ANKHD1: variants seen among roughly 807,000 people sequenced by gnomAD.
ANKHD1 encodes the protein ankyrin repeat and KH domain containing 1.
ANKHD1 carries 31 observed loss-of-function variants against 230.5 expected under a neutral mutation model. The ratio of observed to expected loss-of-function variants is 0.13; its 90% CI spans 0.10 to 0.18. ANKHD1 has a LOEUF of 0.18. Ranked by LOEUF, ANKHD1 falls within the 10% of genes least tolerant of loss-of-function variation. ANKHD1 has a pLI of 1.00. For synonymous variants in ANKHD1, 1,074 were observed against 1,117.6 expected (o/e 0.96, Z 0.78); for missense variants, 2,256 against 3,071.3 (o/e 0.73, Z 6.27).
intron 9 of ANKHD1, among the ~76,000 whole-genome samples, chr5:140,462,824 A>G (rs1775810293): frequency 6.6e-6 from 1 of 151,554 alleles, no homozygotes; most frequent in Non-Finnish European, 1.5e-5. Flanking sequence ...GCATCCTTCA[A>G]AGGTGATCAG....
At chr5:140,457,056 C>T (rs1320076854) in intron 7 of ANKHD1, among the ~76,000 whole-genome samples, 2 of 152,166 alleles carry the variant, frequency 1.3e-5, no homozygotes, top group African/African-American at 2.4e-5. Context: ...TATGAACAGA[C>T]ACTTCTCAAA....
chr5:140,526,805 T>G (rs1340407559), intron 26 of ANKHD1, 123 bp from the exon 27 acceptor site: 2 of 1,328,238 alleles, frequency 1.5e-6, no homozygotes, highest in Admixed American at 6.4e-5. Context: ...GACTCATTGA[T>G]TATTTGATGT....
intron 21 of ANKHD1, 39 bp downstream of exon 21, chr5:140,509,851 C>A: frequency 6.3e-7 from 1 of 1,579,418 alleles, no homozygotes; most frequent in South Asian, 1.2e-5. Context: ...TTCTCATGGT[C>A]ATTTTCACTT....
intron 10 of ANKHD1, chr5:140,472,146 A>T: frequency 1.0e-6 from 1 of 996,128 alleles, no homozygotes; most frequent in African/African-American, 1.6e-5. Flanking sequence ...AACAAAGCCC[A>T]CCATCTGAAG....
intron 24 of ANKHD1, among the ~76,000 whole-genome samples, chr5:140,521,363 G>T (rs1205777211): frequency 6.6e-6 from 1 of 152,194 alleles, no homozygotes; most frequent in Non-Finnish European, 1.5e-5. Flanking sequence ...GGGCATGTGT[G>T]GTGGCTCATG....
chr5:140,503,895 A>G (rs1273874922), intron 15 of ANKHD1, among the ~76,000 whole-genome samples: 1 of 152,064 alleles, frequency 6.6e-6, no homozygotes, highest in Non-Finnish European at 1.5e-5. Context: ...TTTTCAAACC[A>G]CATTTTGAGA....
intron 24 of ANKHD1, among the ~76,000 whole-genome samples, chr5:140,523,187 A>C (rs573962355): frequency 1.1e-4 from 16 of 141,878 alleles, no homozygotes; most frequent in Non-Finnish European, 1.7e-4. Context: ...ATTATAGCTC[A>C]CTAGAGCCTC....
At chr5:140,429,569 GTTCT>G (rs1181388831) in intron 1 of ANKHD1, among the ~76,000 whole-genome samples, 1 of 152,108 alleles carries the variant, frequency 6.6e-6, no homozygotes, top group African/African-American at 2.4e-5. Context: ...CTTGGCTGGT[GTTCT>G]TTTTTTTGTT....
At position 140,539,060 on chromosome 5, in the gene ANKHD1, A is replaced by G. The variant is rs769236089; in HGVS notation, c.7546A>G (p.Thr2516Ala). 117 of 1,607,346 alleles carry G rather than the reference A, an allele frequency of 7.3e-5. No individual in the cohort carries two copies. Among genetic ancestry groups the G allele is most frequent in the Non-Finnish European group, 9.4e-5 (111 of 1,177,772 alleles). The stretch of plus-strand genomic sequence containing the variant: ...TATGATAAAAGTTATCCAAAATTCA[A>G]CTGAATGCACTGATGCCCAGCAGGT... ...NPMIKVIQNS[T>A]ECTDAQQIWP... The change falls in exon 33 of 34, where the codon ACT becomes GCT. Residue 2516 changes from threonine to alanine, a missense_variant. By Grantham distance (58) the Thr-to-Ala change is moderately conservative. This residue lies in a region of ANKHD1 where 778 missense variants were observed against 966.5 expected (regional missense o/e 0.80). Coordinates refer to ENST00000360839, the MANE Select transcript of ANKHD1 (RefSeq NM_017747.3).
At chr5:140,536,619 A>T (rs1367144406) in intron 30 of ANKHD1, among the ~76,000 whole-genome samples, 1 of 152,242 alleles carries the variant, frequency 6.6e-6, no homozygotes, top group Non-Finnish European at 1.5e-5. Flanking sequence ...TTATAGAAAC[A>T]AAAAGGGCTG....
In ANKHD1 at chr5:140,496,853, C is replaced by A. The variant is rs1752061240; in HGVS notation, c.2579C>A (p.Thr860Asn). Residue 860 changes from threonine to asparagine, a missense_variant, in exon 15 of 34, where the codon ACC becomes AAC. Physicochemically the swap from Thr to Asn is moderately conservative, Grantham distance 65. Transcript: ENST00000360839. ...CAATTTACCAAAGAATACTTGGAAACCAAAGGTCAGAAAGACACAGTGTCT... is the reference window on the plus strand; with the variant it reads ...CAATTTACCAAAGAATACTTGGAAAACAAAGGTCAGAAAGACACAGTGTCT... ...QQQFTKEYLE[T>N]KGQKDTVSLH... 4.3e-6 allele frequency: 7 copies of A among 1,614,058 alleles called. No homozygotes were observed. The highest frequency in any genetic ancestry group is 5.1e-6 in the Non-Finnish European group (6 of 1,180,010).
rs1213780149 is a variant in ANKHD1 at position 140,454,119 on chromosome 5, A to G, written c.1243-4506A>G. Among the ~76,000 whole-genome samples, 4 of 152,196 alleles carry G rather than the reference A, an allele frequency of 2.6e-5. No individual in the cohort carries two copies. In the East Asian group the frequency reaches 7.7e-4, roughly 29 times the overall value. ...AACAAAGATCAAAAGAGACAAGGCC[A>G]TTACATAATGGTAAAGGGATCAATT... is the stretch of plus-strand genomic sequence containing the variant. On this transcript the variant is annotated intron_variant, in intron 7 of 33. Transcript: ENST00000360839.
chr5:140,532,795 C>T (rs1753890015), intron 29 of ANKHD1: 1 of 431,894 alleles, frequency 2.3e-6, no homozygotes. Context: ...CCCCAAAATG[C>T]ACATCATGAT....
chr5:140,534,337 A>C (rs1430517360), intron 29 of ANKHD1, among the ~76,000 whole-genome samples: 1 of 151,534 alleles, frequency 6.6e-6, no homozygotes, highest in Non-Finnish European at 1.5e-5. Flanking sequence ...GCTTGCAGTG[A>C]GCTGAGATCG....
In ANKHD1 at chr5:140,482,725, C is replaced by T. The variant is rs1170810918; in HGVS notation, c.1870+58C>T. 5.1e-6 allele frequency: 8 copies of T among 1,575,858 alleles called. No homozygotes were observed. The African/African-American group carries it at 5.5e-5, about 11-fold the overall frequency. On this transcript the variant is annotated intron_variant, in intron 11 of 33. Transcript: ENST00000360839. The stretch of plus-strand genomic sequence containing the variant: ...GCTACAGTTTATGGAAAAAAAAATC[C>T]TAAACTGTTGCAATTTATGTTATGG...
At chr5:140,502,366 T>C (rs1290472452) in intron 15 of ANKHD1, among the ~76,000 whole-genome samples, 1 of 152,200 alleles carries the variant, frequency 6.6e-6, no homozygotes, top group Non-Finnish European at 1.5e-5. Flanking sequence ...AGTACAAAAA[T>C]GTTTAGTAAT....
At chr5:140,444,073 A>T in intron 5 of ANKHD1, among the ~76,000 whole-genome samples, 1 of 142,626 alleles carries the variant, frequency 7.0e-6, no homozygotes, top group Non-Finnish European at 1.5e-5. Flanking sequence ...CTTGGTTGAG[A>T]TGAAGTCCCC....
At chr5:140,469,371 TG>T (rs35215442) in intron 10 of ANKHD1, among the ~76,000 whole-genome samples, 44,484 of 141,382 alleles carry the variant, frequency 0.31, 8,258 homozygotes, top group East Asian at 0.52. Flanking sequence ...ATTAGCCGGG[TG>T]TGGTTGTGCG....
intron 15 of ANKHD1, among the ~76,000 whole-genome samples, chr5:140,504,231 T>C (rs1246459283): frequency 6.6e-6 from 1 of 152,120 alleles, no homozygotes; most frequent in Non-Finnish European, 1.5e-5. Context: ...CTGTTTTTTT[T>C]AGTAGAGATG....
Sources: gnomAD v4.1 joint callset for allele counts (sites outside exome capture counted in the v4.1 genomes callset) on GRCh38, gnomAD v4.1.1 for gene constraint, gnomAD v4.1.1 regional missense constraint, MANE v1.5 for transcripts, NCBI Gene and HGNC (gene_info 2026-07-23, HGNC 2026-07-21) for gene names.